The following CRPPA variants were observed in gnomAD, a reference collection of about 807,000 sequenced individuals.
CRPPA encodes CDP-L-ribitol pyrophosphorylase A.
A neutral mutation model predicts 52.0 loss-of-function variants in CRPPA; 43 were observed. That is an observed-to-expected ratio of 0.83 (90% CI 0.65 to 1.07). The LOEUF (loss-of-function observed/expected upper bound fraction) is 1.07, where lower values mean the gene tolerates loss of function less well. CRPPA is among the 50% of genes least tolerant of loss of function. CRPPA has a pLI of 0.00. For synonymous variants in CRPPA, 250 were observed against 203.5 expected, an observed-to-expected ratio of 1.23 and a Z score of -1.94; for missense variants, 629 against 551.7, an observed-to-expected ratio of 1.14 and a Z score of -1.40.
At chr7:16,372,020 A>T (rs1341802535) in intron 3 of CRPPA, among the ~76,000 whole-genome samples, 2 of 152,234 alleles carry the variant, frequency 1.3e-5, no homozygotes, top group African/African-American at 2.4e-5. Context: ...TAAAAAAAAA[A>T]TTTTAAAAAA....
intron 3 of CRPPA, among the ~76,000 whole-genome samples, chr7:16,327,547 T>A (rs1049914944): frequency 7.2e-6 from 1 of 139,482 alleles, no homozygotes; most frequent in South Asian, 2.2e-4. Context: ...GAGCCGAGAT[T>A]GCGCCACTGC....
At chr7:16,209,271 G>GTTTTTTTTTTTTTT in intron 9 of CRPPA, 1 of 137,674 alleles carries the variant, frequency 7.3e-6, no homozygotes, top group Non-Finnish European at 1.6e-5. Flanking sequence ...GGTTCTAAGT[G>GTTTTTTTTTTTTTT]TCTTTTTTTT....
At position 16,216,291 on chromosome 7, in the gene CRPPA, ACAATATTG is replaced by A. The variant is rs1422611864; in HGVS notation, c.1120-102_1120-95del. 2.8e-5 allele frequency: 20 copies of A among 718,778 alleles called. No individual in the cohort carries two copies. In the African/African-American group the frequency reaches 3.7e-4, roughly 13 times the overall value. The allele number at this position is 718,778 out of a possible 1,614,324, so 44.5% of individuals were successfully genotyped here. A position where few individuals can be genotyped will look rare whatever the true frequency, so the allele number is the denominator to read the frequency against. ...AAAGAAGCTCAAAACCCATATGATTACAATATTGCAATAATCTTTATTAACTTTTGTTA... is the reference window on the plus strand; with the variant it reads ...AAAGAAGCTCAAAACCCATATGATTACAATAATCTTTATTAACTTTTGTTA... On this transcript the variant is annotated intron_variant, in intron 8 of 9. Coordinates refer to ENST00000407010, the MANE Select transcript of CRPPA (RefSeq NM_001101426.4).
chr7:16,407,246 G>C (rs978813532), intron 1 of CRPPA, among the ~76,000 whole-genome samples: 2 of 152,112 alleles, frequency 1.3e-5, no homozygotes, highest in African/African-American at 4.8e-5. Context: ...CCAAAGTGTT[G>C]GGATTATAGG....
At chr7:16,364,442 C>G (rs1440010632) in intron 3 of CRPPA, among the ~76,000 whole-genome samples, 1 of 152,178 alleles carries the variant, frequency 6.6e-6, no homozygotes, top group African/African-American at 2.4e-5. Flanking sequence ...ATCTGAAGAA[C>G]TCTCCATTCC....
Position 16,090,314 on chromosome 7 carries a change from A to T in CRPPA, c.*1381T>A, listed in dbSNP as rs1481965986. 2.6e-5 allele frequency: 4 copies of T among 152,132 alleles called. No individual in the cohort carries two copies. Among genetic ancestry groups the T allele is most frequent in the African/African-American group, 9.7e-5 (4 of 41,430 alleles). 9.4% of individuals were successfully genotyped at this position (152,132 alleles called of 1,614,324 possible). ...CAACATGTTAAATAAAAATTCCACA[A>T]GGTAGATATTGTATAGTGTATCTTT... On this transcript the variant is annotated 3_prime_UTR_variant, in exon 10 of 10. Coordinates refer to ENST00000407010, the MANE Select transcript of CRPPA (RefSeq NM_001101426.4).
At chr7:16,332,842 G>A (rs1285684513) in intron 3 of CRPPA, among the ~76,000 whole-genome samples, 1 of 151,736 alleles carries the variant, frequency 6.6e-6, no homozygotes, top group African/African-American at 2.4e-5. Context: ...CCAATTAAGA[G>A]AAAAATTGTC....
At chr7:16,101,826 A>C (rs1017013954) in intron 9 of CRPPA, among the ~76,000 whole-genome samples, 1 of 152,216 alleles carries the variant, frequency 6.6e-6, no homozygotes, top group African/African-American at 2.4e-5. Flanking sequence ...CAGATGAAAA[A>C]ACATTCCATG....
At chr7:16,185,458 C>T (rs1160557347) in intron 9 of CRPPA, among the ~76,000 whole-genome samples, 1 of 152,070 alleles carries the variant, frequency 6.6e-6, no homozygotes. Context: ...CTAACCCACA[C>T]CATCATGTTT....
In CRPPA at chr7:16,258,379, A is replaced by T; in HGVS notation, c.1119+11T>A. On this transcript the variant is annotated intron_variant, in intron 8 of 9. Coordinates refer to ENST00000407010, the MANE Select transcript of CRPPA (RefSeq NM_001101426.4). ...ATAAGTTTGAGAAAAATCTGCATTA[A>T]TTTCACTTACTGAAACAACAACAAC... is the stretch of plus-strand genomic sequence containing the variant. 1 of 1,538,320 alleles carries T rather than the reference A, an allele frequency of 6.5e-7. No individual in the cohort carries two copies. The highest frequency in any genetic ancestry group is 8.9e-7 in the Non-Finnish European group (1 of 1,123,478).
chr7:16,204,672 C>T (rs1244815698), intron 9 of CRPPA, among the ~76,000 whole-genome samples: 1 of 152,072 alleles, frequency 6.6e-6, no homozygotes, highest in African/African-American at 2.4e-5. Flanking sequence ...ATCATTTAGC[C>T]ACCATACCTA....
chr7:16,327,858 T>G (rs1583522787), intron 3 of CRPPA, among the ~76,000 whole-genome samples: 1 of 152,112 alleles, frequency 6.6e-6, no homozygotes, highest in East Asian at 1.9e-4. Flanking sequence ...TCTGCTTGCT[T>G]TGCATGGAAG....
chr7:16,226,581 G>A (rs185797405), intron 8 of CRPPA, among the ~76,000 whole-genome samples: 2 of 151,856 alleles, frequency 1.3e-5, no homozygotes, highest in East Asian at 1.9e-4. Flanking sequence ...AAATTTATTA[G>A]TATTAAAAAT....
intron 9 of CRPPA, among the ~76,000 whole-genome samples, chr7:16,181,436 A>C (rs1354784261): frequency 2.0e-5 from 3 of 151,982 alleles, no homozygotes; most frequent in East Asian, 1.9e-4. Flanking sequence ...GAATATTTTC[A>C]TGATGTTAAA....
At chr7:16,395,120 G>A (rs1158049253) in intron 2 of CRPPA, among the ~76,000 whole-genome samples, 5 of 152,126 alleles carry the variant, frequency 3.3e-5, no homozygotes, top group Non-Finnish European at 1.5e-5. Context: ...GACTTATCAA[G>A]TACAAATGTC....
At chr7:16,185,979 A>T (rs1421123624) in intron 9 of CRPPA, among the ~76,000 whole-genome samples, 1 of 152,200 alleles carries the variant, frequency 6.6e-6, no homozygotes, top group Non-Finnish European at 1.5e-5. Context: ...TCAGAGCAGT[A>T]CCAATAGACC....
intron 9 of CRPPA, among the ~76,000 whole-genome samples, chr7:16,094,438 A>ATC (rs1781895790): frequency 6.6e-6 from 1 of 152,140 alleles, no homozygotes; most frequent in Non-Finnish European, 1.5e-5. Flanking sequence ...CAGGAAAAAA[A>ATC]TGCAAACCCA....
chr7:16,146,867 C>G (rs1320240268), intron 9 of CRPPA, among the ~76,000 whole-genome samples: 5 of 152,140 alleles, frequency 3.3e-5, no homozygotes, highest in African/African-American at 7.2e-5. Flanking sequence ...AATTACAAAT[C>G]AAGTCAGAAA....
chr7:16,335,968 A>C (rs558994647), intron 3 of CRPPA, among the ~76,000 whole-genome samples: 1 of 152,332 alleles, frequency 6.6e-6, no homozygotes, highest in East Asian at 1.9e-4. Flanking sequence ...AATATATTCA[A>C]AGTGCTGAAG....
Sources: gnomAD v4.1 joint callset for allele counts (sites outside exome capture counted in the v4.1 genomes callset) on GRCh38, gnomAD v4.1.1 for gene constraint, MANE v1.5 for transcripts, NCBI Gene and HGNC (gene_info 2026-07-23, HGNC 2026-07-21) for gene names.